MUC3A: variants seen among roughly 807,000 people sequenced by gnomAD.
MUC3A encodes mucin 3A, cell surface associated.
Under a neutral mutation model 109.0 loss-of-function variants are expected in MUC3A, and 109 were observed. The ratio of observed to expected loss-of-function variants is 1.00; its 90% CI spans 0.86 to 1.17. MUC3A has a LOEUF of 1.17. Among genes scored for constraint, MUC3A ranks in the 50% most tolerant of loss-of-function variants. MUC3A has a pLI of 0.00. For synonymous variants in MUC3A, 1,398 were observed against 981.4 expected (o/e 1.42, Z -7.93); for missense variants, 3,537 against 2,469.4 (o/e 1.43, Z -9.16).
chr7:100,966,552 C>A lies in MUC3A; in HGVS notation c.9778C>A (p.Arg3260=), dbSNP rs1488402988. The A allele has an allele frequency of 7.1e-7, 1 of 1,414,648 alleles. No individual in the cohort carries two copies. The highest frequency in any genetic ancestry group is 9.1e-7 in the Non-Finnish European group (1 of 1,094,224). The allele number at this position is 1,414,648 out of a possible 1,614,324, so 87.6% of individuals were successfully genotyped here. ...CTCCGGATGGTGGGGCGGCCAGCGC[C>A]GAGGCCGGTGAGCGTGCGGGGGGCG... is the stretch of plus-strand genomic sequence containing the variant. ...VRSGWWGGQR[R]GRSWDQDRKW... Residue 3260 remains arginine (R), a synonymous_variant, in exon 9 of 12, where the codon CGA becomes AGA. Transcript: ENST00000379458.
rs145584597 is a variant in MUC3A, at chr7:100,960,259, C to A, written c.8480C>A (p.Thr2827Lys). ...ATCAGTATCCAAACTACTCTTACTA[C>A]ATATATGGACACTTCTTCCATGATG... ...TSISIQTTLT[T>K]YMDTSSMMPE... is the part of the protein sequence containing the mutation. Residue 2827 changes from threonine (T) to lysine (K), a missense_variant, in exon 2 of 12, where the codon ACA (threonine) becomes AAA (lysine). By Grantham distance (78) the Thr-to-Lys change is moderately conservative. Transcript: ENST00000379458. 1.3e-6 allele frequency: 2 copies of A among 1,586,796 alleles called. No homozygotes were observed. Among genetic ancestry groups the A allele is most frequent in the Non-Finnish European group, 1.7e-6 (2 of 1,170,054 alleles).
At position 100,954,122 on chromosome 7, in the gene MUC3A, C is replaced by A; in HGVS notation, c.2343C>A (p.Thr781=). The A allele has an allele frequency of 1.7e-6, 1 of 598,416 alleles. No individual in the cohort carries two copies. The highest frequency in any genetic ancestry group is 2.9e-6 in the Non-Finnish European group (1 of 340,336). The allele number at this position is 598,416 out of a possible 1,614,324, so 37.1% of individuals were successfully genotyped here. A position where few individuals can be genotyped will look rare whatever the true frequency, so the allele number is the denominator to read the frequency against. ...GTACCACCAGCTTCACTTCTTCAACCGTCTACTCCACAGCCAGCACATACA... is the reference window on the plus strand; with the variant it reads ...GTACCACCAGCTTCACTTCTTCAACAGTCTACTCCACAGCCAGCACATACA... The part of the protein sequence containing the change: ...SHSTTSFTSS[T]VYSTASTYTT... Residue 781 remains threonine (T), a synonymous_variant, in exon 2 of 12, where the codon ACC becomes ACA. Coordinates refer to ENST00000379458, the MANE Select transcript of MUC3A (RefSeq NM_005960.2).
rs1230122102 is a variant in MUC3A, at chr7:100,960,456, A to G, written c.8677A>G (p.Met2893Val). The G allele has an allele frequency of 1.3e-6, 2 of 1,598,640 alleles. No homozygotes were observed. Among genetic ancestry groups the G allele is most frequent in the Admixed American group, 1.7e-5 (1 of 60,030 alleles). Reference sequence around the variant, plus strand: ...TGGCGTCTCTACCATCCCGCTCACCATGAAACCAAGCAGTAGCCTCCCGAC... The same window carrying G: ...TGGCGTCTCTACCATCCCGCTCACCGTGAAACCAAGCAGTAGCCTCCCGAC... ...LPGVSTIPLT[M>V]KPSSSLPTIL... Residue 2893 changes from methionine to valine, a missense_variant, in exon 2 of 12, where the codon ATG becomes GTG. Physicochemically the swap from Met to Val is conservative, Grantham distance 21 (BLOSUM62 1). Coordinates refer to ENST00000379458, the MANE Select transcript of MUC3A (RefSeq NM_005960.2).
chr7:100,951,682 C>G (rs1218681286), intron 1 of MUC3A, among the ~76,000 whole-genome samples, 159 bp from the exon 2 acceptor site: 1 of 152,306 alleles, frequency 6.6e-6, no homozygotes, highest in Non-Finnish European at 1.5e-5. Context: ...CCACAAAGCA[C>G]CCAGCTCCAA....
At position 100,959,897 on chromosome 7, in the gene MUC3A, C is replaced by G; in HGVS notation, c.8118C>G (p.Thr2706=). 1.3e-6 allele frequency: 2 copies of G among 1,535,072 alleles called. No individual in the cohort carries two copies. Among genetic ancestry groups the G allele is most frequent in the Non-Finnish European group, 1.7e-6 (2 of 1,150,510 alleles). ...GCATAACTCCAGTGTTTTCCACTAC[C>G]ATTCATTCTGTTCCTTCTTCACCAT... ...SASITPVFST[T]IHSVPSSPYI... is the part of the protein sequence containing the mutation. The change falls in exon 2 of 12, where the codon ACC becomes ACG. Residue 2706 remains threonine, a synonymous_variant. Coordinates refer to ENST00000379458, the MANE Select transcript of MUC3A (RefSeq NM_005960.2).
chr7:100,959,953 C>G lies in MUC3A; in HGVS notation c.8174C>G (p.Ala2725Gly), dbSNP rs773698502. Residue 2725 changes from alanine to glycine, a missense_variant, in exon 2 of 12, where the codon GCT (alanine) becomes GGT (glycine). Transcript: ENST00000379458. ...TTCAGTACAGAAAATGTGGGCTCCG[C>G]TTCTATCACAGGCTTTCCTAGTCTC... ...YIFSTENVGSASITGFPSLSS... is the reference protein window; with the variant it reads ...YIFSTENVGSGSITGFPSLSS... 9 of 1,510,064 alleles carry G rather than the reference C, an allele frequency of 6.0e-6. No individual in the cohort carries two copies. In the African/African-American group the frequency reaches 9.7e-5, roughly 16 times the overall value. 93.5% of individuals were successfully genotyped at this position (1,510,064 alleles called of 1,614,324 possible).
Position 100,957,686 on chromosome 7 carries a change from C to G in MUC3A, c.5907C>G (p.Ser1969=). The change falls in exon 2 of 12, where the codon TCC becomes TCG. Residue 1969 remains serine, a synonymous_variant. Transcript: ENST00000379458. The part of the protein sequence containing the change: ...TSSITTTETT[S]HNTPSLTSSI... ...CGATCACCACCACCGAGACCACATC[C>G]CACAATACTCCCAGCCTCACTTCTT... 6.1e-6 allele frequency: 4 copies of G among 660,996 alleles called. No individual in the cohort carries two copies. Among genetic ancestry groups the G allele is most frequent in the Middle Eastern group, 6.3e-4 (1 of 1,584 alleles). The allele number at this position is 660,996 out of a possible 1,614,324, so 40.9% of individuals were successfully genotyped here. A position where few individuals can be genotyped will look rare whatever the true frequency, so the allele number is the denominator to read the frequency against.
At position 100,951,996 on chromosome 7, in the gene MUC3A, A is replaced by T. The variant is rs758354555; in HGVS notation, c.217A>T (p.Asn73Tyr). 3.8e-6 allele frequency: 6 copies of T among 1,598,672 alleles called. No individual in the cohort carries two copies. The South Asian group carries it at 6.6e-5, about 18-fold the overall frequency. The stretch of plus-strand genomic sequence containing the variant: ...CTCTCCTGCTCCTGGCCACAGGGAA[A>T]ATGCACCTATGACACTCACTACCTC... ...LASPAPGHRE[N>Y]APMTLTTSPH... Residue 73 changes from asparagine (N) to tyrosine (Y), a missense_variant, in exon 2 of 12, where the codon AAT becomes TAT. By Grantham distance (143) the Asn-to-Tyr change is moderately radical. Transcript: ENST00000379458.
chr7:100,957,742 G>C lies in MUC3A; in HGVS notation c.5963G>C (p.Ser1988Thr). ...ACCACCACCAAGACCACCTCACACA[G>C]TACTCCCAGCTACACTTCTTTGATC... ...SITTTKTTSH[S>T]TPSYTSLITT... The change falls in exon 2 of 12, where the codon AGT becomes ACT. Residue 1988 changes from serine to threonine, a missense_variant. Transcript: ENST00000379458. 6 of 1,288,382 alleles carry C rather than the reference G, an allele frequency of 4.7e-6. No individual in the cohort carries two copies. In the Admixed American group the frequency reaches 1.2e-4, roughly 25 times the overall value. 79.8% of individuals were successfully genotyped at this position (1,288,382 alleles called of 1,614,324 possible). A position where few individuals can be genotyped will look rare whatever the true frequency, so the allele number is the denominator to read the frequency against.
Position 100,964,789 on chromosome 7 carries a change from A to C in MUC3A, c.9328A>C (p.Lys3110Gln), listed in dbSNP as rs758770941. Residue 3110 changes from lysine (K) to glutamine (Q), a missense_variant, in exon 6 of 12, where the codon AAG (lysine) becomes CAG (glutamine). Lys to Gln is a moderately conservative substitution (Grantham distance 53). Transcript: ENST00000379458. ...SEYEQVKTTL[K>Q]EGLQNASQDV... ...GTATGAGCAGGTGAAGACCACGCTG[A>C]AGGAGGGGCTGCAGAACGCCAGCCA... 1.1e-5 allele frequency: 17 copies of C among 1,598,312 alleles called. No individual in the cohort carries two copies. In the African/African-American group the frequency reaches 1.6e-4, roughly 15 times the overall value.
intron 1 of MUC3A, among the ~76,000 whole-genome samples, chr7:100,951,383 C>G (rs796339836): frequency 0.18 from 22,763 of 125,750 alleles, no homozygotes; most frequent in African/African-American, 0.2. Flanking sequence ...TCTTTGAAAG[C>G]GGAGTCAGCC....
chr7:100,966,334 G>C, intron 8 of MUC3A, 52 bp from the exon 9 acceptor site: 1 of 1,260,940 alleles, frequency 7.9e-7, no homozygotes, highest in Middle Eastern at 2.9e-4. Context: ...AGGTGCACGG[G>C]TGGACCCCGA....
At chr7:100,966,154 C>T in intron 8 of MUC3A, 1 of 519,330 alleles carries the variant, frequency 1.9e-6, no homozygotes, top group Non-Finnish European at 3.0e-6. Context: ...CCGCCCCCTC[C>T]TTCTAGGGTG....
rs1206180615 is a variant in MUC3A at position 100,965,765 on chromosome 7, C to T, written c.9510C>T (p.Ala3170=). Residue 3170 remains alanine (A), a synonymous_variant, in exon 8 of 12, where the codon GCC becomes GCT. Coordinates refer to ENST00000379458, the MANE Select transcript of MUC3A (RefSeq NM_005960.2). The stretch of plus-strand genomic sequence containing the variant: ...AGTTCTACTTCCCCTTGGTGGAGGC[C>T]ACCCGGCTCCGCTGTGTCACCAAAT... ...YEEFYFPLVE[A]TRLRCVTKCT... 1 of 1,598,346 alleles carries T rather than the reference C, an allele frequency of 6.3e-7. No individual in the cohort carries two copies. Among genetic ancestry groups the T allele is most frequent in the Non-Finnish European group, 8.5e-7 (1 of 1,179,796 alleles).
At chr7:100,965,556 T>C in intron 7 of MUC3A, 148 bp from the exon 8 acceptor site, 2 of 1,430,794 alleles carry the variant, frequency 1.4e-6, no homozygotes, top group Non-Finnish European at 1.9e-6. Flanking sequence ...GCGGGTGGCC[T>C]CCCCTCATCG....
chr7:100,964,057 G>T, intron 5 of MUC3A: 1 of 568,294 alleles, frequency 1.8e-6, no homozygotes. Flanking sequence ...GAGTGGGTCA[G>T]CATTAGAAAG....
Position 100,967,441 on chromosome 7 carries a change from T to C in MUC3A, c.*279T>C. On this transcript the variant is annotated 3_prime_UTR_variant, in exon 12 of 12. Transcript: ENST00000379458. ...ACCTGCAAAACGGGTACAGCATTCC[T>C]GTATGATAGCTCACGCCGTTGTTGT... The C allele has an allele frequency of 1.7e-6, 1 of 595,830 alleles. No individual in the cohort carries two copies. Among genetic ancestry groups the C allele is most frequent in the Non-Finnish European group, 3.0e-6 (1 of 336,148 alleles). 36.9% of individuals were successfully genotyped at this position (595,830 alleles called of 1,614,324 possible).
At chr7:100,965,996 C>G in intron 8 of MUC3A, 130 bp downstream of exon 8, 4 of 1,379,050 alleles carry the variant, frequency 2.9e-6, no homozygotes, top group Non-Finnish European at 3.8e-6. Context: ...GAGTGCCGCT[C>G]CAAGCCCATC....
rs1375894641 is a variant in MUC3A at position 100,967,129 on chromosome 7, C to T, written c.9939C>T (p.Ile3313=). The T allele has an allele frequency of 6.3e-7, 1 of 1,598,558 alleles. No homozygotes were observed. The highest frequency in any genetic ancestry group is 1.7e-5 in the Admixed American group (1 of 60,034). ...CACTGTGACTCTGACAGGTGCACAT[C>T]AAGAGACCCGAGATGACCTCGTCCT... ...ENVDTTMKVH[I]KRPEMTSSSV is the part of the protein sequence containing the mutation. Residue 3313 remains isoleucine (I), a synonymous_variant, in exon 12 of 12, where the codon ATC becomes ATT. Coordinates refer to ENST00000379458, the MANE Select transcript of MUC3A (RefSeq NM_005960.2).
Sources: gnomAD v4.1 joint callset for allele counts (sites outside exome capture counted in the v4.1 genomes callset) on GRCh38, gnomAD v4.1.1 for gene constraint, MANE v1.5 for transcripts, NCBI Gene and HGNC (gene_info 2026-07-23, HGNC 2026-07-21) for gene names.